Variants in DLGAP4 observed in about 807,000 individuals in gnomAD.
DLGAP4 encodes the protein DLG associated protein 4, also known as disks large-associated protein 4.
DLGAP4 carries 18 observed loss-of-function variants against 86.9 expected under a neutral mutation model. The observed-to-expected ratio is 0.21, with a 90% CI of 0.14 to 0.31. DLGAP4 has a LOEUF of 0.31. Ranked by LOEUF, DLGAP4 falls within the 10% of genes least tolerant of loss-of-function variation. The pLI is 1.00. For synonymous variants in DLGAP4, 548 were observed against 574.3 expected (o/e 0.95, Z 0.65); for missense variants, 1,085 against 1,362.6 (o/e 0.80, Z 3.21).
rs575466537 is a variant in DLGAP4, at chr20:36,472,401, G to A, written c.1649-24304G>A. Among the ~76,000 whole-genome samples, 16 of 151,722 alleles carry A rather than the reference G, an allele frequency of 1.1e-4. 1 individual carries two copies. The South Asian group carries it at 3.3e-3, about 32-fold the overall frequency. On this transcript the variant is annotated intron_variant, in intron 7 of 12. Transcript: ENST00000339266. ...ACCTGTATTCTTAGCTGCTTGTGGG[G>A]CTAAGGCGAAAGGATCACTTGAGCC...
intron 1 of DLGAP4, among the ~76,000 whole-genome samples, chr20:36,324,573 T>C (rs2147349700): frequency 6.6e-6 from 1 of 152,366 alleles, no homozygotes; most frequent in East Asian, 1.9e-4. Context: ...CACCATTTGT[T>C]GAAAGGACTG....
In DLGAP4 at chr20:36,331,215, A is replaced by G. The variant is rs138303526; in HGVS notation, c.-304+24703A>G. On this transcript the variant is annotated intron_variant, in intron 1 of 12. Coordinates refer to ENST00000339266, the MANE Select transcript of DLGAP4 (RefSeq NM_001365621.2). The stretch of plus-strand genomic sequence containing the variant: ...CAGTGCCCACACTCCAAAGATGCCT[A>G]TTGAGCGTCTGCTCCCAGCCCTTCA... Among the ~76,000 whole-genome samples, 385 of 152,342 alleles carry G rather than the reference A, an allele frequency of 2.5e-3. 2 individuals are homozygous for G. Among genetic ancestry groups the G allele is most frequent in the African/African-American group, 8.7e-3 (362 of 41,582 alleles).
intron 2 of DLGAP4, among the ~76,000 whole-genome samples, chr20:36,414,078 G>A (rs1337393333): frequency 2.6e-5 from 4 of 152,066 alleles, no homozygotes; most frequent in Admixed American, 2.6e-4. Context: ...CCCCTCACAA[G>A]AGCCCCACAC....
rs570803546 is a variant in DLGAP4, at chr20:36,468,317, C to T, written c.1648+21380C>T. The stretch of plus-strand genomic sequence containing the variant: ...CAACGCAATCAGTCACCCACAAAGG[C>T]GGGAAGGGACTTGTCTCCAAGGTGC... On this transcript the variant is annotated intron_variant, in intron 7 of 12. Transcript: ENST00000339266. 4.6e-5 allele frequency among the ~76,000 whole-genome samples: 7 copies of T among 152,230 alleles called. No individual in the cohort carries two copies. The South Asian group carries it at 1.0e-3, about 22-fold the overall frequency.
chr20:36,352,213 T>A (rs1693182370), intron 1 of DLGAP4, among the ~76,000 whole-genome samples: 1 of 150,992 alleles, frequency 6.6e-6, no homozygotes, highest in African/African-American at 2.4e-5. Flanking sequence ...ATGGTGAGAG[T>A]GGGCGATGGC....
intron 7 of DLGAP4, among the ~76,000 whole-genome samples, chr20:36,486,111 T>C (rs2035400089): frequency 6.6e-6 from 1 of 152,166 alleles, no homozygotes; most frequent in African/African-American, 2.4e-5. Flanking sequence ...AGTTGTCAAA[T>C]AGGGGTTTGT....
In DLGAP4 at chr20:36,306,666, A is replaced by G. The variant is rs542022091; in HGVS notation, c.-304+154A>G. ...GCGCAGAAAAGCCCCCTCCCCTGCCAGTTCTGTCTTCCGATCCCGGGTCCG... is the reference window on the plus strand; with the variant it reads ...GCGCAGAAAAGCCCCCTCCCCTGCCGGTTCTGTCTTCCGATCCCGGGTCCG... On this transcript the variant is annotated intron_variant, in intron 1 of 12. Coordinates refer to ENST00000339266, the MANE Select transcript of DLGAP4 (RefSeq NM_001365621.2). The surrounding 1 kb of genome is among the most constrained non-coding windows in gnomAD (Gnocchi z 4.9). Among the ~76,000 whole-genome samples, 2 of 151,652 alleles carry G rather than the reference A, an allele frequency of 1.3e-5. No homozygotes were observed. The highest frequency in any genetic ancestry group is 3.9e-4 in the East Asian group (2 of 5,074).
intron 1 of DLGAP4, among the ~76,000 whole-genome samples, chr20:36,340,196 A>G (rs955722375): frequency 1.3e-5 from 2 of 152,110 alleles, no homozygotes; most frequent in Non-Finnish European, 2.9e-5. Context: ...GGGGCCCCAC[A>G]TCCCCAACAT....
At chr20:36,323,804 C>G (rs1265747745) in intron 1 of DLGAP4, among the ~76,000 whole-genome samples, 3 of 152,186 alleles carry the variant, frequency 2.0e-5, no homozygotes, top group Non-Finnish European at 4.4e-5. Flanking sequence ...CTAGATCCCC[C>G]GCATGCGTAG....
intron 2 of DLGAP4, among the ~76,000 whole-genome samples, chr20:36,367,829 G>T (rs978806633): frequency 3.9e-5 from 6 of 152,152 alleles, no homozygotes; most frequent in African/African-American, 1.4e-4. Context: ...TCTGTCTGGG[G>T]GTGCAACCAC....
chr20:36,407,926 GT>G (rs1261006908), intron 2 of DLGAP4, among the ~76,000 whole-genome samples: 1 of 152,180 alleles, frequency 6.6e-6, no homozygotes, highest in Non-Finnish European at 1.5e-5. Flanking sequence ...TGTGGTTGGA[GT>G]CAGGAAGATG....
At chr20:36,510,991 T>C (rs1221648554) in intron 10 of DLGAP4, 4 of 152,204 alleles carry the variant, frequency 2.6e-5, no homozygotes, top group African/African-American at 9.6e-5. Flanking sequence ...ATTATAGAAT[T>C]TGTATATCAA....
chr20:36,338,750 G>A (rs1288458331), intron 1 of DLGAP4, among the ~76,000 whole-genome samples: 6 of 152,248 alleles, frequency 3.9e-5, no homozygotes, highest in Non-Finnish European at 5.9e-5. Context: ...GAATGCAACC[G>A]TGCCACACAG....
chr20:36,453,520 C>T (rs2033795684), intron 7 of DLGAP4, among the ~76,000 whole-genome samples: 1 of 151,994 alleles, frequency 6.6e-6, no homozygotes, highest in South Asian at 2.1e-4. Flanking sequence ...ATGGTGGTCA[C>T]AGCTACTTGG....
intron 2 of DLGAP4, among the ~76,000 whole-genome samples, chr20:36,380,369 C>T (rs942771531): frequency 6.6e-6 from 1 of 151,614 alleles, no homozygotes; most frequent in Non-Finnish European, 1.5e-5. Flanking sequence ...GAGATCACAC[C>T]ACTGCATCCA....
chr20:36,329,091 G>C (rs1555891266), intron 1 of DLGAP4, among the ~76,000 whole-genome samples: 1 of 152,114 alleles, frequency 6.6e-6, no homozygotes, highest in East Asian at 1.9e-4. Flanking sequence ...TGTATTTTTA[G>C]CAGAGACGGG....
At chr20:36,495,718 G>C (rs1008272078) in intron 7 of DLGAP4, among the ~76,000 whole-genome samples, 11 of 152,240 alleles carry the variant, frequency 7.2e-5, no homozygotes, top group Non-Finnish European at 1.3e-4. Flanking sequence ...AGTGGAGAAA[G>C]TGGAGAACAG....
chr20:36,347,799 T>C (rs1050318553), intron 1 of DLGAP4, among the ~76,000 whole-genome samples: 3 of 149,408 alleles, frequency 2.0e-5, no homozygotes, highest in African/African-American at 7.4e-5. Context: ...GCATCCTAGA[T>C]GACAGAACAA....
intron 7 of DLGAP4, among the ~76,000 whole-genome samples, chr20:36,486,983 A>C (rs1600632431): frequency 6.6e-6 from 1 of 152,294 alleles, no homozygotes; most frequent in East Asian, 1.9e-4. Flanking sequence ...AAAAACTGTC[A>C]GGGTTCCAAG....
Sources: allele counts gnomAD v4.1 joint callset (sites outside exome capture counted in the v4.1 genomes callset), GRCh38; gene constraint gnomAD v4.1.1; non-coding constraint Gnocchi (gnomAD v3.1); transcripts MANE v1.5; gene names NCBI Gene and HGNC (gene_info 2026-07-23, HGNC 2026-07-21).